The following ACE variants were observed in gnomAD, a reference collection of about 807,000 sequenced individuals.
The protein encoded by ACE is angiotensin-converting enzyme.
A neutral mutation model predicts 162.3 loss-of-function variants in ACE; 122 were observed. The ratio of observed to expected loss-of-function variants is 0.75; its 90% confidence interval spans 0.65 to 0.87. ACE has a LOEUF of 0.87. Among genes scored for constraint, ACE ranks in the 40% least tolerant of loss-of-function variants. The probability of loss-of-function intolerance (pLI) is 0.00; values close to 1 mark genes in which losing one functional copy is unlikely to be tolerated. For synonymous variants in ACE, 796 were observed against 720.6 expected (o/e 1.10, Z -1.68); for missense variants, 1,799 against 1,735.1 (o/e 1.04, Z -0.65).
At chr17:63,482,806 C>A in intron 8 of ACE, 117 bp downstream of exon 8, 2 of 1,237,228 alleles carry the variant, frequency 1.6e-6, no homozygotes, top group Non-Finnish European at 2.3e-6. Context: ...GGCCCCAGGT[C>A]AGGCAGGGTT....
chr17:63,485,662 G>A, intron 13 of ACE: 1 of 386,494 alleles, frequency 2.6e-6, no homozygotes, highest in South Asian at 2.0e-5. Flanking sequence ...TGTAGTCCCA[G>A]TACTCAGGAG....
chr17:63,496,812 TG>T lies in ACE; in HGVS notation c.3521del (p.Gly1174AlafsTer12), dbSNP rs754265941. On this transcript the variant is annotated frameshift_variant, in exon 24 of 25. Transcript: ENST00000290866. LOFTEE classifies it high-confidence loss of function. ...AGQRLATAMK[L>X]GFSRPWPEAM... is the part of the protein sequence containing the mutation. ...TGCCTCCCCAGGACCGCCATGAAGC[TG>T]GGCTTCAGTAGGCCGTGGCCGGAAG... 2.1e-4 allele frequency: 333 copies of T among 1,612,776 alleles called. No individual in the cohort carries two copies. Among genetic ancestry groups the T allele is most frequent in the Admixed American group, 5.5e-4 (33 of 60,028 alleles).
At position 63,489,039 on chromosome 17, in the gene ACE, C is replaced by T; in HGVS notation, c.2548C>T (p.Leu850Phe). Residue 850 changes from leucine to phenylalanine, a missense_variant, in exon 17 of 25, where the codon CTC becomes TTC. Leu to Phe is a conservative substitution (Grantham distance 22, BLOSUM62 0). Coordinates refer to ENST00000290866, the MANE Select transcript of ACE (RefSeq NM_000789.4). ...RLFQELQPLYLNLHAYVRRAL... is the reference protein window; with the variant it reads ...RLFQELQPLYFNLHAYVRRAL... The stretch of plus-strand genomic sequence containing the variant: ...CTTCCAGGAGCTGCAGCCACTCTAC[C>T]TCAACCTGCATGCCTACGTGCGCCG... 1.2e-6 allele frequency: 2 copies of T among 1,614,186 alleles called. No homozygotes were observed. Among genetic ancestry groups the T allele is most frequent in the Non-Finnish European group, 1.7e-6 (2 of 1,180,042 alleles).
chr17:63,479,949 G>T (rs919461727), intron 4 of ACE, 37 bp downstream of exon 4: 2 of 1,585,946 alleles, frequency 1.3e-6, no homozygotes, highest in Non-Finnish European at 1.7e-6. Context: ...ACCACGCCAG[G>T]TGTCCTCTCT....
In ACE at chr17:63,494,356, T is replaced by C. The variant is rs1248124084; in HGVS notation, c.3282-16T>C. 1 of 1,611,928 alleles carries C rather than the reference T, an allele frequency of 6.2e-7. No individual in the cohort carries two copies. Among genetic ancestry groups the C allele is most frequent in the Non-Finnish European group, 8.5e-7 (1 of 1,178,356 alleles). On this transcript the variant is annotated splice_polypyrimidine_tract_variant and intron_variant, in intron 21 of 24. Coordinates refer to ENST00000290866, the MANE Select transcript of ACE (RefSeq NM_000789.4). The stretch of plus-strand genomic sequence containing the variant: ...CTCCCCAAACTCATCTTCCAACATA[T>C]ATTCCCACTCGACAGGCTGAAGTAC...
chr17:63,484,195 A>G lies in ACE; in HGVS notation c.1710-135A>G. The G allele has an allele frequency of 3.2e-6, 4 of 1,259,672 alleles. No homozygotes were observed. The highest frequency in any genetic ancestry group is 2.5e-5 in the East Asian group (1 of 39,376). The allele number at this position is 1,259,672 out of a possible 1,614,324, so 78.0% of individuals were successfully genotyped here. ...CCCCTGCCACCATCAGAGAGATCCC[A>G]GGCCCCAGGGTCTTATTGCCACAGT... On this transcript the variant is annotated intron_variant, in intron 11 of 24. Transcript: ENST00000290866. The surrounding 1 kb of genome is among the most constrained non-coding windows in gnomAD (Gnocchi z 4.0).
chr17:63,478,818 C>T (rs190837090), intron 2 of ACE, 189 bp from the exon 3 acceptor site: 430 of 646,190 alleles, frequency 6.7e-4, no homozygotes, highest in Non-Finnish European at 1.1e-3. Context: ...CAGGCTGCCT[C>T]CACTGGCAGG....
At chr17:63,478,799 C>A (rs1271039468) in intron 2 of ACE, 3 of 627,682 alleles carry the variant, frequency 4.8e-6, no homozygotes, top group Non-Finnish European at 8.8e-6. Context: ...ACTCCTGTCC[C>A]CCACTCCACA....
chr17:63,480,952 T>C, intron 5 of ACE, 139 bp from the exon 6 acceptor site: 1 of 795,486 alleles, frequency 1.3e-6, no homozygotes. Context: ...ATGTGTGAGA[T>C]TTCTGGCCCT....
At chr17:63,481,328 G>A in intron 6 of ACE, 140 bp downstream of exon 6, 1 of 929,582 alleles carries the variant, frequency 1.1e-6, no homozygotes, top group Non-Finnish European at 1.7e-6. Flanking sequence ...GTGAGCTGGG[G>A]TCGGCCCCCT....
chr17:63,484,044 T>C lies in ACE; in HGVS notation c.1709+73T>C. Reference sequence around the variant, plus strand: ...GGCAAAGGGTGTGGCAGGAGGTGTCTGGCTGCTCTGATGGGGTGGGGGGCA... The same window carrying C: ...GGCAAAGGGTGTGGCAGGAGGTGTCCGGCTGCTCTGATGGGGTGGGGGGCA... On this transcript the variant is annotated intron_variant, in intron 11 of 24. Coordinates refer to ENST00000290866, the MANE Select transcript of ACE (RefSeq NM_000789.4). The surrounding 1 kb of genome is among the most constrained non-coding windows in gnomAD (Gnocchi z 4.0). 6.5e-7 allele frequency: 1 copy of C among 1,541,582 alleles called. No individual in the cohort carries two copies.
intron 15 of ACE, 150 bp from the exon 16 acceptor site, chr17:63,488,498 T>A: frequency 2.9e-6 from 1 of 346,140 alleles, no homozygotes; most frequent in East Asian, 1.5e-4. Flanking sequence ...GCCACTCCCA[T>A]CCTTTCTCCC....
At chr17:63,477,742 T>G (rs2147525027) in intron 1 of ACE, 189 bp from the exon 2 acceptor site, 1 of 673,460 alleles carries the variant, frequency 1.5e-6, no homozygotes, top group Non-Finnish European at 2.5e-6. Flanking sequence ...ACCATTCCCA[T>G]GAGGCAGATT....
intron 16 of ACE, 35 bp from the exon 17 acceptor site, chr17:63,488,903 TGTG>T (rs1162047752): frequency 3.1e-6 from 5 of 1,613,414 alleles, no homozygotes; most frequent in Non-Finnish European, 2.5e-6. Context: ...AGGCAGGTAA[TGTG>T]GTGTTGGGAG....
chr17:63,477,924 C>A lies in ACE; in HGVS notation c.250-7C>A. ...TACACCCTCCCTGCCCTCCTGGTGC[C>A]CAATAGGAGGAAGCAGCCCTGCTCA... On this transcript the variant is annotated splice_region_variant and splice_polypyrimidine_tract_variant and intron_variant, in intron 1 of 24. Transcript: ENST00000290866. 7 of 1,608,048 alleles carry A rather than the reference C, an allele frequency of 4.4e-6. No individual in the cohort carries two copies. The highest frequency in any genetic ancestry group is 5.9e-6 in the Non-Finnish European group (7 of 1,177,440).
chr17:63,496,773 G>T, intron 23 of ACE, 25 bp from the exon 24 acceptor site: 1 of 1,609,656 alleles, frequency 6.2e-7, no homozygotes, highest in Non-Finnish European at 8.5e-7. Context: ...TTCTGACTCT[G>T]CCTCCCTGTC....
At chr17:63,481,465 C>A in intron 6 of ACE, 101 bp from the exon 7 acceptor site, 1 of 1,339,638 alleles carries the variant, frequency 7.5e-7, no homozygotes, top group Non-Finnish European at 1.0e-6. Context: ...AGCAGAGAAG[C>A]TTTCATGCAC....
At chr17:63,496,230 G>A in intron 22 of ACE, 164 bp from the exon 23 acceptor site, 2 of 985,792 alleles carry the variant, frequency 2.0e-6, no homozygotes, top group Admixed American at 3.7e-5. Flanking sequence ...AGCTGGGGTG[G>A]GGGAGCTCAC....
intron 1 of ACE, 179 bp from the exon 2 acceptor site, chr17:63,477,752 T>G: frequency 1.4e-6 from 1 of 708,156 alleles, no homozygotes; most frequent in Non-Finnish European, 2.3e-6. Context: ...TGAGGCAGAT[T>G]CCCTCCAGAA....
Sources: gnomAD v4.1 joint callset for allele counts on GRCh38, gnomAD v4.1.1 for gene constraint, Gnocchi (gnomAD v3.1) non-coding constraint, MANE v1.5 for transcripts, NCBI Gene and HGNC (gene_info 2026-07-23, HGNC 2026-07-21) for gene names.